LTBP1: variants seen among roughly 807,000 people sequenced by gnomAD.
LTBP1 encodes latent transforming growth factor beta binding protein 1.
LTBP1 carries 129 observed loss-of-function variants against 207.6 expected under a neutral mutation model. The observed-to-expected ratio is 0.62, with a 90% confidence interval of 0.54 to 0.72. LTBP1 has a LOEUF of 0.72. Among genes scored for constraint, LTBP1 ranks in the 30% least tolerant of loss-of-function variants. The pLI, the probability that LTBP1 is intolerant of heterozygous loss-of-function variation, is 0.00. For synonymous variants in LTBP1, 963 were observed against 833.7 expected, an observed-to-expected ratio of 1.16 and a Z score of -2.67; for missense variants, 2,281 against 2,217.2, an observed-to-expected ratio of 1.03 and a Z score of -0.58.
At chr2:33,312,282 A>G (rs965796378) in intron 23 of LTBP1, among the ~76,000 whole-genome samples, 1 of 152,240 alleles carries the variant, frequency 6.6e-6, no homozygotes, top group Non-Finnish European at 1.5e-5. Context: ...TGTGATAGGC[A>G]TAAACTTTAA....
At chr2:33,264,236 A>G (rs185806435) in intron 15 of LTBP1, among the ~76,000 whole-genome samples, 478 of 145,108 alleles carry the variant, frequency 3.3e-3, no homozygotes, top group Middle Eastern at 0.011. Flanking sequence ...AGCCTGGGGG[A>G]CAGAGCGAGA....
At chr2:33,301,783 G>A (rs2093992749) in intron 22 of LTBP1, 139 bp downstream of exon 22, 4 of 685,506 alleles carry the variant, frequency 5.8e-6, no homozygotes, top group East Asian at 3.0e-5. Flanking sequence ...TGTCTTCCCC[G>A]GGGTCACACA....
chr2:33,390,876 C>A (rs377649023), intron 32 of LTBP1, among the ~76,000 whole-genome samples: 2 of 152,044 alleles, frequency 1.3e-5, no homozygotes, highest in African/African-American at 4.8e-5. Context: ...TTTTTTCTGT[C>A]CTGGGCCCTG....
intron 26 of LTBP1, among the ~76,000 whole-genome samples, chr2:33,353,644 A>G (rs1050411377): frequency 6.6e-6 from 1 of 152,188 alleles, no homozygotes; most frequent in African/African-American, 2.4e-5. Context: ...GGCACACTTA[A>G]GTGGGGAAAT....
rs751978417 is a variant in LTBP1, at chr2:33,262,835, A to T, written c.2518+14A>T. ...CACAGTTTCCAGGTAGCCTGTGTTGATCTGTGCTGTTTGTCAGAGTATTCT... is the reference window on the plus strand; with the variant it reads ...CACAGTTTCCAGGTAGCCTGTGTTGTTCTGTGCTGTTTGTCAGAGTATTCT... On this transcript the variant is annotated intron_variant, in intron 14 of 33. Coordinates refer to ENST00000404816, the MANE Select transcript of LTBP1 (RefSeq NM_206943.4). 9 of 1,570,878 alleles carry T rather than the reference A, an allele frequency of 5.7e-6. No individual in the cohort carries two copies. The highest frequency in any genetic ancestry group is 1.8e-5 in the Admixed American group (1 of 57,038).
chr2:33,308,105 T>G (rs1452512552), intron 22 of LTBP1, among the ~76,000 whole-genome samples: 1 of 152,246 alleles, frequency 6.6e-6, no homozygotes, highest in East Asian at 1.9e-4. Context: ...GTTTTGTTTC[T>G]TAGCTTTCTT....
intron 21 of LTBP1, 64 bp from the exon 22 acceptor site, chr2:33,301,458 A>G: frequency 2.0e-6 from 3 of 1,500,834 alleles, no homozygotes; most frequent in Non-Finnish European, 2.7e-6. Context: ...GATCCAATTG[A>G]GACTGATTGA....
In LTBP1 at chr2:33,025,844, C is replaced by A. The variant is rs554354401; in HGVS notation, c.863+4638C>A. Among the ~76,000 whole-genome samples the A allele has an allele frequency of 2.0e-5, 3 of 152,108 alleles. No homozygotes were observed. The South Asian group carries it at 6.2e-4, about 32-fold the overall frequency. On this transcript the variant is annotated intron_variant, in intron 3 of 33. Coordinates refer to ENST00000404816, the MANE Select transcript of LTBP1 (RefSeq NM_206943.4). Reference sequence around the variant, plus strand: ...GTACATAGGGGTTTCTTACAAAATTCTTTTTATATTTTTGAAATTTTCTGT... The same window carrying A: ...GTACATAGGGGTTTCTTACAAAATTATTTTTATATTTTTGAAATTTTCTGT...
chr2:33,158,068 G>A lies in LTBP1; in HGVS notation c.1201+23108G>A, dbSNP rs576287627. On this transcript the variant is annotated intron_variant, in intron 5 of 33. Transcript: ENST00000404816. Reference sequence around the variant, plus strand: ...GGAGAGTTGCTTGAACCTGAGAGGCGGTGATTGCAGCAAGCCAAGATTGTG... The same window carrying A: ...GGAGAGTTGCTTGAACCTGAGAGGCAGTGATTGCAGCAAGCCAAGATTGTG... 1.1e-4 allele frequency among the ~76,000 whole-genome samples: 17 copies of A among 150,800 alleles called. No homozygotes were observed. The East Asian group carries it at 2.6e-3, about 23-fold the overall frequency.
chr2:33,025,334 A>C (rs1414930990), intron 3 of LTBP1, among the ~76,000 whole-genome samples: 1 of 152,220 alleles, frequency 6.6e-6, no homozygotes, highest in East Asian at 1.9e-4. Flanking sequence ...GAACTTGATA[A>C]ATATGAAGAT....
intron 5 of LTBP1, among the ~76,000 whole-genome samples, chr2:33,168,914 G>A (rs750354779): frequency 3.3e-5 from 5 of 152,200 alleles, no homozygotes; most frequent in Non-Finnish European, 7.3e-5. Context: ...CTACTCAGAA[G>A]AGAGGACTAA....
At chr2:33,222,205 GA>G in intron 9 of LTBP1, 54 bp downstream of exon 9, 1 of 1,327,250 alleles carries the variant, frequency 7.5e-7, no homozygotes, top group Non-Finnish European at 1.1e-6. Context: ...TGGCTTTTTA[GA>G]AACTTCAGTT....
chr2:32,950,692 G>C (rs563383661), intron 2 of LTBP1, among the ~76,000 whole-genome samples: 2 of 152,136 alleles, frequency 1.3e-5, no homozygotes, highest in Non-Finnish European at 2.9e-5. Context: ...GATTGTGCTG[G>C]GCGATGCAGA....
intron 3 of LTBP1, among the ~76,000 whole-genome samples, chr2:33,097,440 A>G (rs1176061213): frequency 1.3e-5 from 2 of 152,186 alleles, no homozygotes; most frequent in African/African-American, 2.4e-5. Flanking sequence ...GTGACAATCA[A>G]GCGGGATCAT....
At chr2:33,351,743 C>G (rs2094784698) in intron 26 of LTBP1, among the ~76,000 whole-genome samples, 2 of 152,188 alleles carry the variant, frequency 1.3e-5, no homozygotes, top group Admixed American at 6.5e-5. Context: ...ATCTTTTCCC[C>G]CGTCTTTGCC....
intron 24 of LTBP1, among the ~76,000 whole-genome samples, chr2:33,324,081 A>G (rs1401625687): frequency 2.0e-5 from 3 of 152,116 alleles, no homozygotes; most frequent in Admixed American, 6.5e-5. Flanking sequence ...AACATACTCA[A>G]TGAATGTGAG....
At chr2:33,262,546 T>C (rs888601229) in intron 13 of LTBP1, among the ~76,000 whole-genome samples, 176 bp from the exon 14 acceptor site, 1 of 151,238 alleles carries the variant, frequency 6.6e-6, no homozygotes, top group Non-Finnish European at 1.5e-5. Flanking sequence ...GGTTCTTTTT[T>C]TTTTTTTTTT....
At chr2:33,337,076 C>G (rs1323419891) in intron 24 of LTBP1, among the ~76,000 whole-genome samples, 2 of 152,150 alleles carry the variant, frequency 1.3e-5, no homozygotes, top group Non-Finnish European at 2.9e-5. Context: ...TTAGAAAACC[C>G]TGCCTTCTTT....
intron 2 of LTBP1, among the ~76,000 whole-genome samples, chr2:32,996,590 G>C (rs1441708936): frequency 6.6e-6 from 1 of 152,190 alleles, no homozygotes; most frequent in Non-Finnish European, 1.5e-5. Context: ...ACAAAGTAGA[G>C]TGGTTGCTGC....
Sources: allele counts gnomAD v4.1 joint callset (sites outside exome capture counted in the v4.1 genomes callset), GRCh38; gene constraint gnomAD v4.1.1; transcripts MANE v1.5; gene names NCBI Gene and HGNC (gene_info 2026-07-23, HGNC 2026-07-21).